The following SV2C variants were observed in gnomAD, a reference collection of about 807,000 sequenced individuals.
The protein encoded by SV2C is synaptic vesicle glycoprotein 2C, also known as solute carrier family 22 member B3.
A neutral mutation model predicts 79.7 loss-of-function variants in SV2C; 49 were observed. The ratio of observed to expected loss-of-function variants is 0.61; its 90% CI spans 0.49 to 0.78. SV2C has a LOEUF of 0.78. SV2C is among the 30% of genes least tolerant of loss of function. The pLI is 0.00. For synonymous variants in SV2C, 334 were observed against 333.2 expected, an observed-to-expected ratio of 1.00 and a Z score of -0.03; for missense variants, 833 against 912.9, an observed-to-expected ratio of 0.91 and a Z score of 1.13.
the SV2C span, among the ~76,000 whole-genome samples, chr5:75,996,525 T>A: frequency 6.6e-6 from 1 of 152,148 alleles, no homozygotes; most frequent in East Asian, 1.9e-4. Flanking sequence ...GTGAAGAAAG[T>A]CATTGGTAGC....
chr5:75,952,766 C>T, the SV2C span, among the ~76,000 whole-genome samples: 4 of 151,836 alleles, frequency 2.6e-5, no homozygotes, highest in African/African-American at 7.3e-5. Flanking sequence ...CCTGCAGAGC[C>T]GTGAGCCAAT....
intron 1 of SV2C, among the ~76,000 whole-genome samples, chr5:76,119,275 G>A (rs1748397423): frequency 6.6e-6 from 1 of 152,204 alleles, no homozygotes; most frequent in Admixed American, 6.5e-5. Context: ...TGAAGCACAT[G>A]CTAAACCCCC....
At chr5:75,954,384 T>G in the SV2C span, among the ~76,000 whole-genome samples, 1 of 151,964 alleles carries the variant, frequency 6.6e-6, no homozygotes, top group Non-Finnish European at 1.5e-5. Context: ...TTCTTATTAT[T>G]TTGAAATACG....
At chr5:76,089,285 G>A (rs565330161) in intron 1 of SV2C, among the ~76,000 whole-genome samples, 7 of 152,172 alleles carry the variant, frequency 4.6e-5, no homozygotes, top group South Asian at 2.1e-4. Context: ...AGTATTTGGC[G>A]TTCTGTTCCT....
chr5:76,177,738 G>A (rs1743585214), intron 2 of SV2C, among the ~76,000 whole-genome samples: 1 of 151,858 alleles, frequency 6.6e-6, no homozygotes, highest in African/African-American at 2.4e-5. Context: ...TGTGACTTTG[G>A]AACTTGGACA....
the SV2C span, among the ~76,000 whole-genome samples, chr5:75,994,996 T>C: frequency 6.6e-6 from 1 of 152,134 alleles, no homozygotes; most frequent in South Asian, 2.1e-4. Flanking sequence ...TCTGAAGGCC[T>C]GAGAATCAGG....
chr5:76,190,261 G>C (rs1049758018), intron 2 of SV2C, among the ~76,000 whole-genome samples: 10 of 152,218 alleles, frequency 6.6e-5, no homozygotes, highest in Non-Finnish European at 1.5e-4. Flanking sequence ...CAGTATAAAA[G>C]AGAGATCAGG....
chr5:76,123,692 T>G (rs915491699), intron 1 of SV2C, among the ~76,000 whole-genome samples: 23 of 152,152 alleles, frequency 1.5e-4, no homozygotes, highest in African/African-American at 5.5e-4. Context: ...CAAATAACAT[T>G]TCTATTGTTA....
chr5:76,246,945 G>A (rs1745963632), intron 4 of SV2C, among the ~76,000 whole-genome samples: 1 of 152,146 alleles, frequency 6.6e-6, no homozygotes, highest in Non-Finnish European at 1.5e-5. Flanking sequence ...ATGGATGGAT[G>A]GTATGGGTGG....
chr5:76,251,090 G>C (rs542263286), intron 4 of SV2C, among the ~76,000 whole-genome samples: 2 of 152,244 alleles, frequency 1.3e-5, no homozygotes, highest in Admixed American at 1.3e-4. Flanking sequence ...ATTCAGAACT[G>C]ATTCCCTTTA....
the SV2C span, among the ~76,000 whole-genome samples, chr5:75,861,270 A>T: frequency 2.0e-5 from 3 of 152,206 alleles, no homozygotes; most frequent in African/African-American, 7.2e-5. Flanking sequence ...AAACACTATA[A>T]TATACTATAT....
chr5:75,955,710 A>G, the SV2C span, among the ~76,000 whole-genome samples: 4 of 149,180 alleles, frequency 2.7e-5, no homozygotes, highest in East Asian at 7.8e-4. Context: ...AAAAAAACAA[A>G]CAACCCCATC....
At chr5:76,268,995 G>A (rs1313229671) in intron 4 of SV2C, among the ~76,000 whole-genome samples, 3 of 152,182 alleles carry the variant, frequency 2.0e-5, no homozygotes, top group African/African-American at 4.8e-5. Flanking sequence ...ACGAAGTTTC[G>A]AAGTATCCTC....
intron 4 of SV2C, among the ~76,000 whole-genome samples, chr5:76,249,978 C>A (rs1027724749): frequency 5.3e-5 from 8 of 152,200 alleles, no homozygotes; most frequent in African/African-American, 1.9e-4. Context: ...ACGTTTTATT[C>A]TGAACGTTTG....
At chr5:75,855,836 A>G in the SV2C span, among the ~76,000 whole-genome samples, 1 of 152,184 alleles carries the variant, frequency 6.6e-6, no homozygotes. Context: ...TGTCAAATGG[A>G]CAATTAAATT....
the SV2C span, among the ~76,000 whole-genome samples, chr5:75,887,043 ATTT>A: frequency 2.6e-5 from 4 of 151,924 alleles, no homozygotes; most frequent in Non-Finnish European, 4.4e-5. Flanking sequence ...CCTTCACTTT[ATTT>A]TTTTATTTTT....
the SV2C span, among the ~76,000 whole-genome samples, chr5:76,059,414 C>T: frequency 3.3e-5 from 5 of 152,144 alleles, no homozygotes; most frequent in South Asian, 4.1e-4. Flanking sequence ...TATGTCCTAT[C>T]GTAAATCCTT....
rs531247995 is a variant in SV2C, at chr5:76,103,103, A to G, written c.-102+19591A>G. On this transcript the variant is annotated intron_variant, in intron 1 of 12. Transcript: ENST00000502798. ...CAGGAATGTGTAAAAAAAAATGGAGATTGCAATAATGCATAATTAAAACTG... is the reference window on the plus strand; with the variant it reads ...CAGGAATGTGTAAAAAAAAATGGAGGTTGCAATAATGCATAATTAAAACTG... Among the ~76,000 whole-genome samples the G allele has an allele frequency of 5.9e-5, 9 of 152,294 alleles. No homozygotes were observed. In the South Asian group the frequency reaches 1.7e-3, roughly 28 times the overall value.
At chr5:76,303,655 C>A (rs1748088205) in intron 12 of SV2C, among the ~76,000 whole-genome samples, 1 of 151,956 alleles carries the variant, frequency 6.6e-6, no homozygotes, top group Admixed American at 6.6e-5. Context: ...AAAAAAGACC[C>A]TCATAAATTG....
Sources: gnomAD v4.1 joint callset for allele counts (sites outside exome capture counted in the v4.1 genomes callset) on GRCh38, gnomAD v4.1.1 for gene constraint, MANE v1.5 for transcripts, NCBI Gene and HGNC (gene_info 2026-07-23, HGNC 2026-07-21) for gene names.